The following VPS33B variants were observed in gnomAD, a reference collection of about 807,000 sequenced individuals.
VPS33B encodes the protein vacuolar protein sorting-associated protein 33B.
Under a neutral mutation model 95.3 loss-of-function variants are expected in VPS33B, and 80 were observed. The ratio of observed to expected loss-of-function variants is 0.84; its 90% CI spans 0.70 to 1.01. The LOEUF is 1.01. VPS33B is among the 50% of genes least tolerant of loss of function. The pLI is 0.00. For missense variants in VPS33B, 715 were observed against 773.4 expected, an observed-to-expected ratio of 0.92 and a Z score of 0.90; for synonymous variants, 280 against 280.4, an observed-to-expected ratio of 1.00 and a Z score of 0.01.
In VPS33B at chr15:91,018,877, G is replaced by A. The variant is rs997484065; in HGVS notation, c.97-992C>T. 1.1e-4 allele frequency among the ~76,000 whole-genome samples: 16 copies of A among 151,878 alleles called. No homozygotes were observed. The highest frequency in any genetic ancestry group is 3.1e-4 in the African/African-American group (13 of 41,422). ...GACACCCAGGCTGGAGTGCAGTGGC[G>A]TGATCTCGGCTCACTGCAACCTCCG... On this transcript the variant is annotated intron_variant, in intron 1 of 22. Coordinates refer to ENST00000333371, the MANE Select transcript of VPS33B (RefSeq NM_018668.5). The surrounding 1 kb of genome is among the most constrained non-coding windows in gnomAD (Gnocchi z 4.7).
chr15:91,004,508 AAAAT>A (rs1187986868), intron 16 of VPS33B, among the ~76,000 whole-genome samples: 3 of 152,170 alleles, frequency 2.0e-5, no homozygotes, highest in East Asian at 1.9e-4. Context: ...TTGTCTCAAA[AAAAT>A]AAATAAATAA....
Position 90,999,636 on chromosome 15 carries a change from A to G in VPS33B, c.1774+41T>C, listed in dbSNP as rs747052152. 6.2e-7 allele frequency: 1 copy of G among 1,604,328 alleles called. No homozygotes were observed. The highest frequency in any genetic ancestry group is 8.5e-7 in the Non-Finnish European group (1 of 1,171,604). ...GCCCAGCTGACACTTTGTTACCCAG[A>G]TACAATGCAGGCCAATTCTCACCTT... On this transcript the variant is annotated intron_variant, in intron 22 of 22. Transcript: ENST00000333371. The surrounding 1 kb of genome is among the most constrained non-coding windows in gnomAD (Gnocchi z 5.1).
In VPS33B at chr15:91,022,570, T is replaced by C; in HGVS notation, c.-321A>G. On this transcript the variant is annotated 5_prime_UTR_variant, in exon 1 of 23. Coordinates refer to ENST00000333371, the MANE Select transcript of VPS33B (RefSeq NM_018668.5). ...CGCAGCGTACGAGGAGAACCCCGCC[T>C]TCTACCAGAAAAAGAAGCGACTTCC... 4.1e-6 allele frequency: 1 copy of C among 244,884 alleles called. No individual in the cohort carries two copies. Among genetic ancestry groups the C allele is most frequent in the Non-Finnish European group, 7.8e-6 (1 of 128,826 alleles). 15.2% of individuals were successfully genotyped at this position (244,884 alleles called of 1,614,324 possible).
At chr15:91,003,198 G>A (rs182501488) in intron 16 of VPS33B, 67 bp from the exon 17 acceptor site, 173 of 1,510,356 alleles carry the variant, frequency 1.1e-4, no homozygotes, top group Middle Eastern at 8.6e-4. Flanking sequence ...AAAATGTACA[G>A]ATCAACCAGC....
intron 3 of VPS33B, among the ~76,000 whole-genome samples, chr15:91,016,253 A>G (rs2040919670): frequency 6.6e-6 from 1 of 152,226 alleles, no homozygotes; most frequent in East Asian, 1.9e-4. Context: ...AGAGGCTTGA[A>G]GGGGACACAC....
In VPS33B at chr15:91,013,672, C is replaced by T. The variant is rs1374365617; in HGVS notation, c.357+132G>A. On this transcript the variant is annotated intron_variant, in intron 5 of 22. Coordinates refer to ENST00000333371, the MANE Select transcript of VPS33B (RefSeq NM_018668.5). This position sits in a 1 kb window ranked among gnomAD's most constrained non-coding sequence, Gnocchi z 4.5. ...TAAATTTCTGTTCATTATAAATTAC[C>T]TAGTCTCAGGTATTCTGTTACAGCA... The T allele has an allele frequency of 2.2e-6, 2 of 925,980 alleles. No homozygotes were observed. Among genetic ancestry groups the T allele is most frequent in the Non-Finnish European group, 3.5e-6 (2 of 565,826 alleles). 57.4% of individuals were successfully genotyped at this position (925,980 alleles called of 1,614,324 possible).
rs1660034308 is a variant in VPS33B, at chr15:91,007,017, C to T, written c.633G>A (p.Glu211=). 6.2e-7 allele frequency: 1 copy of T among 1,613,150 alleles called. No individual in the cohort carries two copies. The highest frequency in any genetic ancestry group is 1.1e-5 in the South Asian group (1 of 91,092). The change falls in exon 9 of 23, where the codon GAG becomes GAA. Residue 211 remains glutamate, a synonymous_variant. Transcript: ENST00000333371. This position sits in a 1 kb window ranked among gnomAD's most constrained non-coding sequence, Gnocchi z 5.3. ...KMAYELWRNL[E]EEEDGETKGR... ...CCTTGGTTTCGCCATCCTCCTCCTC[C>T]TCCAGGTTCCTCCACAATTCATATG...
At chr15:91,014,016 G>A in intron 4 of VPS33B, 145 bp from the exon 5 acceptor site, 1 of 970,558 alleles carries the variant, frequency 1.0e-6, no homozygotes, top group Non-Finnish European at 1.6e-6. Flanking sequence ...TCAGGAGTTT[G>A]CGACCAGCCT....
rs932208465 is a variant in VPS33B, at chr15:91,002,492, A to G, written c.1273-310T>C. Reference sequence around the variant, plus strand: ...CTAAAAATACAAAAATTAGATGGGCATGGTGGCTCGTGCCTGTAGTCTCAG... The same window carrying G: ...CTAAAAATACAAAAATTAGATGGGCGTGGTGGCTCGTGCCTGTAGTCTCAG... On this transcript the variant is annotated intron_variant, in intron 17 of 22. Coordinates refer to ENST00000333371, the MANE Select transcript of VPS33B (RefSeq NM_018668.5). The surrounding 1 kb of genome is among the most constrained non-coding windows in gnomAD (Gnocchi z 4.7). Among the ~76,000 whole-genome samples, 2 of 152,038 alleles carry G rather than the reference A, an allele frequency of 1.3e-5. No individual in the cohort carries two copies. Among genetic ancestry groups the G allele is most frequent in the African/African-American group, 4.8e-5 (2 of 41,406 alleles).
Position 91,011,524 on chromosome 15 carries a change from G to C in VPS33B, c.358-1678C>G, listed in dbSNP as rs911332080. Reference sequence around the variant, plus strand: ...CTGCCAATCTTCATAATTAACAAAGGAGTCTCAAAGAAGAGAGAGAGATGC... The same window carrying C: ...CTGCCAATCTTCATAATTAACAAAGCAGTCTCAAAGAAGAGAGAGAGATGC... On this transcript the variant is annotated intron_variant, in intron 5 of 22. Transcript: ENST00000333371. This position sits in a 1 kb window ranked among gnomAD's most constrained non-coding sequence, Gnocchi z 5.5. Among the ~76,000 whole-genome samples, 1 of 152,212 alleles carries C rather than the reference G, an allele frequency of 6.6e-6. No homozygotes were observed. The highest frequency in any genetic ancestry group is 6.5e-5 in the Admixed American group (1 of 15,278).
At chr15:90,998,622 A>G (rs562653144), downstream of VPS33B, 2 of 366,884 alleles carry the variant, frequency 5.5e-6, no homozygotes, top group Admixed American at 3.7e-5. This position sits in a 1 kb window ranked among gnomAD's most constrained non-coding sequence, Gnocchi z 4.8. Flanking sequence ...GCAAGCTCCA[A>G]TGGGCTTTCA....
rs2040737373 is a variant in VPS33B at position 91,009,991 on chromosome 15, A to G, written c.358-145T>C. ...GAACCCAGACTCTTAAGATCTAGAA[A>G]GAACCATTAGAATCATTCAGCCCAG... On this transcript the variant is annotated intron_variant, in intron 5 of 22. Coordinates refer to ENST00000333371, the MANE Select transcript of VPS33B (RefSeq NM_018668.5). The surrounding 1 kb of genome is among the most constrained non-coding windows in gnomAD (Gnocchi z 4.1). 1 of 859,390 alleles carries G rather than the reference A, an allele frequency of 1.2e-6. No homozygotes were observed. The highest frequency in any genetic ancestry group is 2.1e-5 in the Admixed American group (1 of 48,464). 53.2% of individuals were successfully genotyped at this position (859,390 alleles called of 1,614,324 possible). A position where few individuals can be genotyped will look rare whatever the true frequency, so the allele number is the denominator to read the frequency against.
chr15:91,015,336 CAAAAA>C lies in VPS33B; in HGVS notation c.240-908_240-904del, dbSNP rs1555460166. 6.7e-6 allele frequency among the ~76,000 whole-genome samples: 1 copy of C among 149,868 alleles called. No homozygotes were observed. Among genetic ancestry groups the C allele is most frequent in the Admixed American group, 6.7e-5 (1 of 15,034 alleles). On this transcript the variant is annotated intron_variant, in intron 3 of 22. Coordinates refer to ENST00000333371, the MANE Select transcript of VPS33B (RefSeq NM_018668.5). This position sits in a 1 kb window ranked among gnomAD's most constrained non-coding sequence, Gnocchi z 4.7. Reference sequence around the variant, plus strand: ...GGATGACAAGAGCTAAACTCCGTCTCAAAAAAAATAAAATAAAATAAAATAATAAT... The same window carrying C: ...GGATGACAAGAGCTAAACTCCGTCTCAAATAAAATAAAATAAAATAATAAT...
Position 91,022,203 on chromosome 15 carries a change from G to T in VPS33B, c.47C>A (p.Ser16Tyr). The stretch of plus-strand genomic sequence containing the variant: ...GTCTCGAGCCAGCCTCTTCAGCATG[G>T]AGAAGTCAGGCAGCTCAGGGGCGTC... The part of the protein sequence containing the change: ...RPDAPELPDF[S>Y]MLKRLARDQL... Residue 16 changes from serine to tyrosine, a missense_variant, in exon 1 of 23, where the codon TCC becomes TAC. Transcript: ENST00000333371. 1 of 1,587,932 alleles carries T rather than the reference G, an allele frequency of 6.3e-7. No individual in the cohort carries two copies. The highest frequency in any genetic ancestry group is 8.6e-7 in the Non-Finnish European group (1 of 1,165,656).
intron 18 of VPS33B, 90 bp from the exon 19 acceptor site, chr15:91,001,552 A>G: frequency 9.4e-7 from 1 of 1,062,224 alleles, no homozygotes; most frequent in South Asian, 1.3e-5. Flanking sequence ...CGACAGCACC[A>G]ATCACATCCA....
chr15:91,003,571 C>G (rs2040507099), intron 16 of VPS33B, among the ~76,000 whole-genome samples: 1 of 152,144 alleles, frequency 6.6e-6, no homozygotes, highest in South Asian at 2.1e-4. Flanking sequence ...TCCTGAGTAG[C>G]TGGGATTACA....
chr15:90,998,659 G>T, downstream of VPS33B: 2 of 416,270 alleles, frequency 4.8e-6, 1 homozygote, highest in South Asian at 4.2e-5. This position sits in a 1 kb window ranked among gnomAD's most constrained non-coding sequence, Gnocchi z 4.8. Flanking sequence ...TGCGTGTCCA[G>T]AACGACCAAC....
Position 91,007,377 on chromosome 15 carries a change from C to G in VPS33B, c.603+92G>C. 1 of 1,203,260 alleles carries G rather than the reference C, an allele frequency of 8.3e-7. No individual in the cohort carries two copies. Among genetic ancestry groups the G allele is most frequent in the Non-Finnish European group, 1.2e-6 (1 of 806,670 alleles). The allele number at this position is 1,203,260 out of a possible 1,614,324, so 74.5% of individuals were successfully genotyped here. On this transcript the variant is annotated intron_variant, in intron 8 of 22. Coordinates refer to ENST00000333371, the MANE Select transcript of VPS33B (RefSeq NM_018668.5). This position sits in a 1 kb window ranked among gnomAD's most constrained non-coding sequence, Gnocchi z 5.3. The stretch of plus-strand genomic sequence containing the variant: ...AATGAAAGCAAAGTAAAGAATACAC[C>G]TCATATCACAGGTGCCCTTGGATAA...
rs2040581174 is a variant in VPS33B at position 91,005,673 on chromosome 15, GC to G, written c.1030+20del. The G allele has an allele frequency of 6.2e-7, 1 of 1,613,618 alleles. No individual in the cohort carries two copies. The highest frequency in any genetic ancestry group is 8.5e-7 in the Non-Finnish European group (1 of 1,179,658). ...GAGGGACACAGTCACTTCCCCTCAC[GC>G]CCCTCAAGCTGAAACCTACGGAGAC... On this transcript the variant is annotated intron_variant, in intron 13 of 22. Coordinates refer to ENST00000333371, the MANE Select transcript of VPS33B (RefSeq NM_018668.5). This position sits in a 1 kb window ranked among gnomAD's most constrained non-coding sequence, Gnocchi z 6.4.
Sources: gnomAD v4.1 joint callset for allele counts (sites outside exome capture counted in the v4.1 genomes callset) on GRCh38, gnomAD v4.1.1 for gene constraint, Gnocchi (gnomAD v3.1) non-coding constraint, MANE v1.5 for transcripts, NCBI Gene and HGNC (gene_info 2026-07-23, HGNC 2026-07-21) for gene names.